OGA: variants seen among roughly 807,000 people sequenced by gnomAD.
OGA encodes the protein protein O-GlcNAcase.
A neutral mutation model predicts 102.0 loss-of-function variants in OGA; 21 were observed. The ratio of observed to expected loss-of-function variants is 0.21; its 90% CI spans 0.15 to 0.30. OGA has a LOEUF of 0.30. OGA is among the 10% of genes least tolerant of loss of function. The probability of loss-of-function intolerance (pLI) is 1.00; values close to 1 mark genes in which losing one functional copy is unlikely to be tolerated. For missense variants in OGA, 765 were observed against 1,107.8 expected, an observed-to-expected ratio of 0.69 and a Z score of 4.39; for synonymous variants, 408 against 378.2, an observed-to-expected ratio of 1.08 and a Z score of -0.91.
At chr10:101,790,478 C>T (rs1190688655) in intron 14 of OGA, among the ~76,000 whole-genome samples, 2 of 151,850 alleles carry the variant, frequency 1.3e-5, no homozygotes, top group African/African-American at 2.4e-5. Flanking sequence ...AGTTTCACCA[C>T]GTTGGCCGGG....
In OGA at chr10:101,806,130, A is replaced by C; in HGVS notation, c.666T>G (p.Thr222=). 2 of 1,600,198 alleles carry C rather than the reference A, an allele frequency of 1.2e-6. No homozygotes were observed. The highest frequency in any genetic ancestry group is 2.7e-5 in the African/African-American group (2 of 74,714). ...ACTGAGACACATTTGGATAACAGAA[A>C]GTGCCACAGTATTCTAAATGTAGGG... ...FLFCPTEYCG[T]FCYPNVSQSP... Residue 222 remains threonine (T), a synonymous_variant, in exon 6 of 16, where the codon ACT becomes ACG. Coordinates refer to ENST00000361464, the MANE Select transcript of OGA (RefSeq NM_012215.5).
At chr10:101,791,187 G>T in intron 13 of OGA, 99 bp from the exon 14 acceptor site, 1 of 1,331,814 alleles carries the variant, frequency 7.5e-7, no homozygotes, top group Non-Finnish European at 1.0e-6. Flanking sequence ...TGAACTTACG[G>T]AACCTACATT....
intron 14 of OGA, among the ~76,000 whole-genome samples, chr10:101,790,262 CTTGTTTTT>C (rs1368068666): frequency 8.0e-6 from 1 of 125,432 alleles, no homozygotes; most frequent in Non-Finnish European, 1.6e-5. Context: ...ACCATAATAT[CTTGTTTTT>C]TTTTTTTTTT....
intron 3 of OGA, 155 bp downstream of exon 3, chr10:101,812,875 T>C (rs1438982539): frequency 1.4e-6 from 1 of 715,376 alleles, no homozygotes; most frequent in South Asian, 1.5e-5. Flanking sequence ...GAGCACTCTT[T>C]CAATCTCAGC....
At chr10:101,795,534 C>T (rs1370757232) in intron 10 of OGA, among the ~76,000 whole-genome samples, 2 of 152,180 alleles carry the variant, frequency 1.3e-5, no homozygotes, top group African/African-American at 4.8e-5. Context: ...AAAAGTACTG[C>T]ATAGCCACAT....
At chr10:101,788,474 C>T (rs1043302521) in intron 14 of OGA, among the ~76,000 whole-genome samples, 4 of 149,978 alleles carry the variant, frequency 2.7e-5, no homozygotes, top group Non-Finnish European at 4.4e-5. Context: ...GGCTCACTCA[C>T]ACTTGTAATC....
In OGA at chr10:101,786,368, A is replaced by C. The variant is rs545306249; in HGVS notation, c.*83T>G. 1.9e-4 allele frequency: 256 copies of C among 1,348,942 alleles called. No individual in the cohort carries two copies. In the South Asian group the frequency reaches 4.6e-3, roughly 24 times the overall value. The allele number at this position is 1,348,942 out of a possible 1,614,324, so 83.6% of individuals were successfully genotyped here. A position where few individuals can be genotyped will look rare whatever the true frequency, so the allele number is the denominator to read the frequency against. On this transcript the variant is annotated 3_prime_UTR_variant, in exon 16 of 16. Coordinates refer to ENST00000361464, the MANE Select transcript of OGA (RefSeq NM_012215.5). Reference sequence around the variant, plus strand: ...ATTGGCTGATTTGTTACCATTCTAGAGGCTGAACTGTATGAAGACCTCAAC... The same window carrying C: ...ATTGGCTGATTTGTTACCATTCTAGCGGCTGAACTGTATGAAGACCTCAAC...
At chr10:101,807,595 ATGTCTTCT>A in intron 5 of OGA, 127 bp downstream of exon 5, 1 of 599,502 alleles carries the variant, frequency 1.7e-6, no homozygotes. Flanking sequence ...ATCTTGAAAA[ATGTCTTCT>A]AAAAAAAGAT....
Position 101,785,597 on chromosome 10 carries a change from AAAT to A in OGA, c.*851_*853del, listed in dbSNP as rs775640686. 8.5e-5 allele frequency: 13 copies of A among 152,624 alleles called. No homozygotes were observed. Among genetic ancestry groups the A allele is most frequent in the Non-Finnish European group, 1.3e-4 (9 of 68,044 alleles). 9.5% of individuals were successfully genotyped at this position (152,624 alleles called of 1,614,324 possible). ...TACGCCTAGGTGGGAGGCACTTTAA[AAAT>A]AATAAAACTTCAAAAAGAACAAAAA... On this transcript the variant is annotated 3_prime_UTR_variant, in exon 16 of 16. Transcript: ENST00000361464.
intron 1 of OGA, among the ~76,000 whole-genome samples, chr10:101,814,146 T>C (rs1438588064): frequency 6.6e-6 from 1 of 152,094 alleles, no homozygotes; most frequent in Non-Finnish European, 1.5e-5. Context: ...CTGGCCAACA[T>C]GGTGAAACCA....
Position 101,786,446 on chromosome 10 carries a change from A to C in OGA, c.*5T>G, listed in dbSNP as rs780749739. 3 of 1,602,382 alleles carry C rather than the reference A, an allele frequency of 1.9e-6. No individual in the cohort carries two copies. The highest frequency in any genetic ancestry group is 2.6e-6 in the Non-Finnish European group (3 of 1,175,666). Reference sequence around the variant, plus strand: ...CTTTTGGACAGTTCACAGTGTCAACAAATGTCACAGGCTCCGACCAAGTAT... The same window carrying C: ...CTTTTGGACAGTTCACAGTGTCAACCAATGTCACAGGCTCCGACCAAGTAT... On this transcript the variant is annotated 3_prime_UTR_variant, in exon 16 of 16. Transcript: ENST00000361464.
At chr10:101,805,648 T>C (rs2065459709) in intron 6 of OGA, among the ~76,000 whole-genome samples, 1 of 119,050 alleles carries the variant, frequency 8.4e-6, no homozygotes. Context: ...AGAGCAATGC[T>C]CTGTCTCAAA....
At chr10:101,792,423 G>A (rs1380072329) in intron 12 of OGA, among the ~76,000 whole-genome samples, 3 of 152,214 alleles carry the variant, frequency 2.0e-5, no homozygotes, top group African/African-American at 7.2e-5. Context: ...TTACAGACGT[G>A]AGCCACCGCG....
At chr10:101,813,666 G>A in intron 1 of OGA, 60 bp from the exon 2 acceptor site, 1 of 1,052,888 alleles carries the variant, frequency 9.5e-7, no homozygotes, top group Non-Finnish European at 1.4e-6. Context: ...GCTTTATTGA[G>A]AAAAGCAAGT....
chr10:101,795,985 G>C (rs896663447), intron 10 of OGA: 2 of 677,462 alleles, frequency 3.0e-6, no homozygotes, highest in South Asian at 6.6e-5. Context: ...AGAAGAGAAA[G>C]AAACAATACT....
chr10:101,809,106 G>A (rs2065514803), intron 4 of OGA, among the ~76,000 whole-genome samples: 1 of 152,164 alleles, frequency 6.6e-6, no homozygotes, highest in East Asian at 1.9e-4. Context: ...GCCATTTCCA[G>A]ACATCTCTTC....
rs1210198848 is a variant in OGA, at chr10:101,784,459, A to C, written c.*1992T>G. On this transcript the variant is annotated 3_prime_UTR_variant, in exon 16 of 16. Coordinates refer to ENST00000361464, the MANE Select transcript of OGA (RefSeq NM_012215.5). ...TACAACACGACAAGCATTCACTTCA[A>C]GTTTTATTTTGCCTCTTGCATGGTC... 6.5e-6 allele frequency: 1 copy of C among 152,682 alleles called. No homozygotes were observed. The highest frequency in any genetic ancestry group is 1.5e-5 in the Non-Finnish European group (1 of 68,044). 9.5% of individuals were successfully genotyped at this position (152,682 alleles called of 1,614,324 possible). A position where few individuals can be genotyped will look rare whatever the true frequency, so the allele number is the denominator to read the frequency against.
chr10:101,788,697 T>C (rs2065221169), intron 14 of OGA, among the ~76,000 whole-genome samples: 1 of 149,266 alleles, frequency 6.7e-6, no homozygotes, highest in Non-Finnish European at 1.5e-5. Flanking sequence ...ATCGCACCAT[T>C]GCACTCCACC....
At chr10:101,813,738 T>C (rs1232258069) in intron 1 of OGA, 132 bp from the exon 2 acceptor site, 1 of 468,370 alleles carries the variant, frequency 2.1e-6, no homozygotes, top group Non-Finnish European at 3.9e-6. Flanking sequence ...ATCGGAAGGA[T>C]ATTTAATAAA....
Sources: gnomAD v4.1 joint callset for allele counts (sites outside exome capture counted in the v4.1 genomes callset) on GRCh38, gnomAD v4.1.1 for gene constraint, MANE v1.5 for transcripts, NCBI Gene and HGNC (gene_info 2026-07-23, HGNC 2026-07-21) for gene names.